The following AFAP1 variants were observed in gnomAD, a reference collection of about 807,000 sequenced individuals.
The protein encoded by AFAP1 is actin filament associated protein 1, also known as actin filament-associated protein 1.
AFAP1 carries 75 observed loss-of-function variants against 93.9 expected under a neutral mutation model. That is an observed-to-expected ratio of 0.80 (90% confidence interval 0.66 to 0.97). The LOEUF (loss-of-function observed/expected upper bound fraction) is 0.97. Ranked by LOEUF, AFAP1 falls within the 50% of genes least tolerant of loss-of-function variation. AFAP1 has a pLI of 0.00. For synonymous variants in AFAP1, 517 were observed against 430.7 expected (o/e 1.20, Z -2.48); for missense variants, 1,201 against 1,050.8 (o/e 1.14, Z -1.98).
At chr4:7,865,156 AC>A (rs1295098621) in intron 3 of AFAP1, among the ~76,000 whole-genome samples, 1 of 152,154 alleles carries the variant, frequency 6.6e-6, no homozygotes, top group East Asian at 1.9e-4. Flanking sequence ...GACAAACAGA[AC>A]CCCATAGGTA....
intron 6 of AFAP1, among the ~76,000 whole-genome samples, chr4:7,834,741 G>A (rs576703477): frequency 6.6e-6 from 1 of 152,356 alleles, no homozygotes; most frequent in South Asian, 2.1e-4. Context: ...CCAAGCTGTA[G>A]TCCAGGGCAT....
chr4:7,931,571 G>A (rs1044592887), intron 1 of AFAP1, among the ~76,000 whole-genome samples: 1 of 149,822 alleles, frequency 6.7e-6, no homozygotes, highest in African/African-American at 2.5e-5. Context: ...TGGTAGAGGT[G>A]GAGGTCTCGC....
chr4:7,847,263 A>C (rs1713814095), intron 4 of AFAP1, among the ~76,000 whole-genome samples: 1 of 152,152 alleles, frequency 6.6e-6, no homozygotes, highest in South Asian at 2.1e-4. Flanking sequence ...ACTCTCCAGA[A>C]AGTATGCTTA....
Position 7,853,358 on chromosome 4 carries a change from G to A in AFAP1, c.334+2108C>T, listed in dbSNP as rs530589538. Among the ~76,000 whole-genome samples the A allele has an allele frequency of 2.5e-3, 377 of 152,208 alleles. 1 individual carries two copies. Among genetic ancestry groups the A allele is most frequent in the African/African-American group, 8.9e-3 (369 of 41,530 alleles). ...GATGATTCTGGGCTAGGGTGGCCCT[G>A]AGAGAAATCTGGGAGTGATAGGGCA... is the stretch of plus-strand genomic sequence containing the variant. On this transcript the variant is annotated intron_variant, in intron 4 of 17. Coordinates refer to ENST00000420658, the MANE Select transcript of AFAP1 (RefSeq NM_001134647.2).
At chr4:7,769,591 G>C (rs1715125629) in intron 16 of AFAP1, among the ~76,000 whole-genome samples, 1 of 152,082 alleles carries the variant, frequency 6.6e-6, no homozygotes, top group African/African-American at 2.4e-5. Context: ...TGTGTCCTGA[G>C]CTGCCGAGGC....
chr4:7,904,330 T>C (rs1719280491), intron 1 of AFAP1, among the ~76,000 whole-genome samples: 1 of 152,122 alleles, frequency 6.6e-6, no homozygotes, highest in Non-Finnish European at 1.5e-5. Flanking sequence ...GTTCTTTGAA[T>C]TAATACTGCC....
At chr4:7,774,628 TAAATA>T in intron 15 of AFAP1, 106 bp downstream of exon 15, 1 of 1,432,896 alleles carries the variant, frequency 7.0e-7, no homozygotes, top group Non-Finnish European at 9.3e-7. Context: ...CCACTCTTAC[TAAATA>T]AAATGACAGC....
chr4:7,876,478 C>G (rs1717513251), intron 1 of AFAP1, among the ~76,000 whole-genome samples: 2 of 152,178 alleles, frequency 1.3e-5, no homozygotes, highest in Non-Finnish European at 2.9e-5. Context: ...GTCTCTTGAA[C>G]TGAAAATATA....
At position 7,810,385 on chromosome 4, in the gene AFAP1, C is replaced by G. The variant is rs566723722; in HGVS notation, c.905-622G>C. ...GCCATGCACATCTCAGGGAGAAAAC[C>G]GTCCAGGTAAGAAAAACATCACTGA... On this transcript the variant is annotated intron_variant, in intron 8 of 17. Coordinates refer to ENST00000420658, the MANE Select transcript of AFAP1 (RefSeq NM_001134647.2). Among the ~76,000 whole-genome samples, 3 of 152,292 alleles carry G rather than the reference C, an allele frequency of 2.0e-5. No homozygotes were observed. The South Asian group carries it at 6.2e-4, about 32-fold the overall frequency.
At chr4:7,932,232 T>TAA (rs11403248) in intron 1 of AFAP1, among the ~76,000 whole-genome samples, 3 of 151,622 alleles carry the variant, frequency 2.0e-5, no homozygotes, top group Admixed American at 6.6e-5. Flanking sequence ...AAAAACTTCA[T>TAA]AAAAAAAAAT....
At chr4:7,870,527 C>A (rs1716930684) in intron 2 of AFAP1, among the ~76,000 whole-genome samples, 1 of 152,070 alleles carries the variant, frequency 6.6e-6, no homozygotes, top group Admixed American at 6.6e-5. Flanking sequence ...TTGTGGTGTG[C>A]ACAAATGTAG....
intron 13 of AFAP1, among the ~76,000 whole-genome samples, chr4:7,780,213 C>T (rs541666084): frequency 6.6e-6 from 1 of 152,350 alleles, no homozygotes; most frequent in East Asian, 1.9e-4. Context: ...CCCAACTACA[C>T]TTAGCTCAGG....
chr4:7,768,372 T>C (rs1471745454), intron 17 of AFAP1, among the ~76,000 whole-genome samples: 1 of 152,196 alleles, frequency 6.6e-6, no homozygotes, highest in African/African-American at 2.4e-5. Context: ...AGTAAACAGG[T>C]TCCTCCGAGG....
intron 1 of AFAP1, among the ~76,000 whole-genome samples, chr4:7,933,632 C>T (rs191629386): frequency 1.3e-5 from 2 of 152,056 alleles, no homozygotes; most frequent in Non-Finnish European, 2.9e-5. Flanking sequence ...AGAAATGCGC[C>T]CAGGGGAATT....
chr4:7,774,785 G>A lies in AFAP1; in HGVS notation c.2016C>T (p.Leu672=), dbSNP rs773315456. 1.3e-5 allele frequency: 21 copies of A among 1,614,050 alleles called. No individual in the cohort carries two copies. Among genetic ancestry groups the A allele is most frequent in the Non-Finnish European group, 1.7e-5 (20 of 1,180,062 alleles). Residue 672 remains leucine, a synonymous_variant, in exon 15 of 18, where the codon CTC becomes CTT. Transcript: ENST00000420658. ...KEALRNRLAQ[L]RKERKDLRAA... The stretch of plus-strand genomic sequence containing the variant: ...CTCGAAGGTCTTTTCTTTCCTTGCG[G>A]AGCTGGGCCAGCCTATTCCGCAGGG...
At chr4:7,772,489 G>A (rs566275170) in intron 16 of AFAP1, 46 of 231,126 alleles carry the variant, frequency 2.0e-4, no homozygotes, top group East Asian at 4.5e-4. Context: ...TGTAAGCACC[G>A]GCTCTACTGA....
chr4:7,836,308 G>A (rs947575363), intron 6 of AFAP1, among the ~76,000 whole-genome samples: 1 of 152,234 alleles, frequency 6.6e-6, no homozygotes, highest in Non-Finnish European at 1.5e-5. Context: ...AAAGAAGCCA[G>A]CCACGAAAGC....
intron 13 of AFAP1, chr4:7,779,207 G>T (rs537766367): frequency 3.6e-5 from 9 of 246,760 alleles, no homozygotes; most frequent in Non-Finnish European, 6.2e-5. Flanking sequence ...CAGATGAGAG[G>T]AGTAGTTTGT....
chr4:7,924,282 A>C (rs1400875224), intron 1 of AFAP1, among the ~76,000 whole-genome samples: 1 of 152,216 alleles, frequency 6.6e-6, no homozygotes, highest in Non-Finnish European at 1.5e-5. Context: ...TCCACAAATA[A>C]CTTCCTACCA....
Sources: gnomAD v4.1 joint callset for allele counts (sites outside exome capture counted in the v4.1 genomes callset) on GRCh38, gnomAD v4.1.1 for gene constraint, MANE v1.5 for transcripts, NCBI Gene and HGNC (gene_info 2026-07-23, HGNC 2026-07-21) for gene names.